SYNDIG1: variants seen among roughly 807,000 people sequenced by gnomAD.
The protein encoded by SYNDIG1 is synapse differentiation inducing 1.
In SYNDIG1, 9 loss-of-function variants were observed where a neutral mutation model predicts 19.4. That is an observed-to-expected ratio of 0.46 (90% confidence interval 0.28 to 0.81). The LOEUF is 0.81. Among genes scored for constraint, SYNDIG1 ranks in the 30% least tolerant of loss-of-function variants. The pLI is 0.12. For missense variants in SYNDIG1, 311 were observed against 343.3 expected (o/e 0.91, Z 0.74); for synonymous variants, 141 against 145.9 (o/e 0.97, Z 0.24).
chr20:24,563,038 G>A (rs967123702), intron 2 of SYNDIG1, among the ~76,000 whole-genome samples: 4 of 152,186 alleles, frequency 2.6e-5, no homozygotes, highest in African/African-American at 9.6e-5. Context: ...AAATGAAATT[G>A]TAGTTTAATA....
intron 2 of SYNDIG1, among the ~76,000 whole-genome samples, chr20:24,555,698 A>T (rs905128016): frequency 1.3e-5 from 2 of 152,048 alleles, no homozygotes; most frequent in Non-Finnish European, 2.9e-5. Flanking sequence ...GTTCTTTTAC[A>T]TTTGCTGAGG....
chr20:24,616,217 T>C (rs1393946862), intron 3 of SYNDIG1, among the ~76,000 whole-genome samples: 1 of 152,254 alleles, frequency 6.6e-6, no homozygotes, highest in Admixed American at 6.5e-5. Context: ...TTGGTTCCTC[T>C]TTTAAGCCTC....
chr20:24,503,702 TC>T (rs2056513522), intron 1 of SYNDIG1, among the ~76,000 whole-genome samples: 1 of 151,432 alleles, frequency 6.6e-6, no homozygotes. Context: ...GGCACTCCAA[TC>T]CCCCTGACCC....
At chr20:24,591,535 T>C (rs2058512138) in intron 3 of SYNDIG1, among the ~76,000 whole-genome samples, 1 of 152,086 alleles carries the variant, frequency 6.6e-6, no homozygotes, top group Non-Finnish European at 1.5e-5. Flanking sequence ...TGTTCTTTTG[T>C]TTTTTGTTTT....
At chr20:24,590,473 A>C (rs1471878440) in intron 3 of SYNDIG1, among the ~76,000 whole-genome samples, 8 of 152,080 alleles carry the variant, frequency 5.3e-5, no homozygotes, top group Non-Finnish European at 1.5e-5. Context: ...GCCTTCAGAG[A>C]ACAGGGCGGA....
intron 3 of SYNDIG1, among the ~76,000 whole-genome samples, chr20:24,634,251 T>G (rs2059291101): frequency 6.6e-6 from 1 of 152,240 alleles, no homozygotes; most frequent in Non-Finnish European, 1.5e-5. Context: ...ACTTCTGGTA[T>G]CTGCATATAA....
At chr20:24,558,004 A>C (rs1285292590) in intron 2 of SYNDIG1, among the ~76,000 whole-genome samples, 1 of 152,248 alleles carries the variant, frequency 6.6e-6, no homozygotes, top group African/African-American at 2.4e-5. Flanking sequence ...GTCTCCCTGC[A>C]GACTAAAGTT....
chr20:24,522,946 C>A (rs1264113012), intron 1 of SYNDIG1, among the ~76,000 whole-genome samples: 6 of 152,166 alleles, frequency 3.9e-5, no homozygotes, highest in Non-Finnish European at 8.8e-5. Flanking sequence ...TGGCACCAAG[C>A]CCTTCATGAG....
At chr20:24,499,349 G>C (rs144683320) in intron 1 of SYNDIG1, among the ~76,000 whole-genome samples, 1 of 152,176 alleles carries the variant, frequency 6.6e-6, no homozygotes, top group Non-Finnish European at 1.5e-5. Flanking sequence ...AATCTTTCCT[G>C]ATCCAGTTCA....
At chr20:24,551,371 C>G (rs1253596460) in intron 2 of SYNDIG1, among the ~76,000 whole-genome samples, 2 of 152,080 alleles carry the variant, frequency 1.3e-5, no homozygotes, top group African/African-American at 2.4e-5. Context: ...TTAAGTTTCT[C>G]TATTTCTTTC....
chr20:24,544,366 G>A (rs544864390), intron 2 of SYNDIG1, among the ~76,000 whole-genome samples: 33 of 152,306 alleles, frequency 2.2e-4, no homozygotes, highest in Non-Finnish European at 3.5e-4. Flanking sequence ...CCCAGGACGC[G>A]ATGTCAGGGA....
chr20:24,660,251 T>A (rs746728518), intron 3 of SYNDIG1, among the ~76,000 whole-genome samples: 6 of 152,248 alleles, frequency 3.9e-5, no homozygotes, highest in Admixed American at 1.3e-4. Flanking sequence ...CAAATAAATG[T>A]CCACTCATTT....
At chr20:24,521,012 T>C (rs2056990919) in intron 1 of SYNDIG1, among the ~76,000 whole-genome samples, 1 of 152,194 alleles carries the variant, frequency 6.6e-6, no homozygotes, top group Admixed American at 6.5e-5. Flanking sequence ...TGCAGCTGTG[T>C]TCTGTCTGTG....
chr20:24,664,454 C>T (rs1322129000), intron 3 of SYNDIG1, among the ~76,000 whole-genome samples: 4 of 152,130 alleles, frequency 2.6e-5, no homozygotes, highest in African/African-American at 4.8e-5. Context: ...AGGGGGCCCG[C>T]GGGTGGCTTG....
chr20:24,585,018 C>T (rs566837626), intron 3 of SYNDIG1, 25 bp downstream of exon 3: 21 of 855,794 alleles, frequency 2.5e-5, no homozygotes, highest in East Asian at 2.1e-4. Context: ...GTCTGTCGCA[C>T]GTGGTGTGCA....
intron 1 of SYNDIG1, among the ~76,000 whole-genome samples, chr20:24,479,615 G>T (rs1375092717): frequency 6.6e-6 from 1 of 152,060 alleles, no homozygotes; most frequent in African/African-American, 2.4e-5. Flanking sequence ...CTCATCACTA[G>T]ATCTAAGTAT....
At chr20:24,610,033 C>T (rs1474575511) in intron 3 of SYNDIG1, among the ~76,000 whole-genome samples, 3 of 152,196 alleles carry the variant, frequency 2.0e-5, no homozygotes, top group African/African-American at 7.2e-5. Flanking sequence ...AGTACAGGAG[C>T]TTCCAGGCCA....
chr20:24,618,744 T>G (rs958965888), intron 3 of SYNDIG1, among the ~76,000 whole-genome samples: 2 of 152,202 alleles, frequency 1.3e-5, no homozygotes, highest in Admixed American at 6.5e-5. Flanking sequence ...TGCTGTGACC[T>G]TTTCTTCTTT....
At chr20:24,526,987 T>C (rs1356883957) in intron 1 of SYNDIG1, among the ~76,000 whole-genome samples, 1 of 152,200 alleles carries the variant, frequency 6.6e-6, no homozygotes, top group African/African-American at 2.4e-5. Flanking sequence ...TCTTCAGCAG[T>C]TTCATGTAAT....
Sources: allele counts gnomAD v4.1 joint callset (sites outside exome capture counted in the v4.1 genomes callset), GRCh38; gene constraint gnomAD v4.1.1; transcripts MANE v1.5; gene names NCBI Gene and HGNC (gene_info 2026-07-23, HGNC 2026-07-21).